Variants in JAKMIP1 observed in about 807,000 individuals in gnomAD.
The protein encoded by JAKMIP1 is janus kinase and microtubule interacting protein 1, also known as janus kinase and microtubule-interacting protein 1.
In JAKMIP1, 33 loss-of-function variants were observed where a neutral mutation model predicts 113.0. The ratio of observed to expected loss-of-function variants is 0.29; its 90% confidence interval spans 0.22 to 0.39. The LOEUF is 0.39. Ranked by LOEUF, JAKMIP1 falls within the 10% of genes least tolerant of loss-of-function variation. JAKMIP1 has a pLI of 1.00. For missense variants in JAKMIP1, 813 were observed against 1,080.5 expected (o/e 0.75, Z 3.47); for synonymous variants, 480 against 459.9 (o/e 1.04, Z -0.56).
At chr4:6,054,696 C>G (rs1716116908) in intron 12 of JAKMIP1, 1 of 455,958 alleles carries the variant, frequency 2.2e-6, no homozygotes, top group Non-Finnish European at 4.4e-6. Context: ...GCCTGCATCC[C>G]AGACCCAGCT....
Position 6,184,098 on chromosome 4 carries a change from C to G in JAKMIP1, c.-148+16155G>C, listed in dbSNP as rs1171551544. Among the ~76,000 whole-genome samples the G allele has an allele frequency of 1.3e-5, 2 of 152,194 alleles. No individual in the cohort carries two copies. Among genetic ancestry groups the G allele is most frequent in the African/African-American group, 4.8e-5 (2 of 41,442 alleles). On this transcript the variant is annotated intron_variant, in intron 1 of 20. Transcript: ENST00000409021. This position sits in a 1 kb window ranked among gnomAD's most constrained non-coding sequence, Gnocchi z 4.5. ...TAAGATAAATGTGAGAATAAACCAT[C>G]ACTTCTCTGTTTTGTATATTGGAGC...
At position 6,050,713 on chromosome 4, in the gene JAKMIP1, G is replaced by A; in HGVS notation, c.1807-34C>T. 6.7e-7 allele frequency: 1 copy of A among 1,490,826 alleles called. No homozygotes were observed. Among genetic ancestry groups the A allele is most frequent in the Non-Finnish European group, 9.2e-7 (1 of 1,092,066 alleles). The allele number at this position is 1,490,826 out of a possible 1,614,324, so 92.3% of individuals were successfully genotyped here. A position where few individuals can be genotyped will look rare whatever the true frequency, so the allele number is the denominator to read the frequency against. On this transcript the variant is annotated intron_variant, in intron 13 of 20. Coordinates refer to ENST00000409021, the MANE Select transcript of JAKMIP1 (RefSeq NM_001099433.2). The surrounding 1 kb of genome is among the most constrained non-coding windows in gnomAD (Gnocchi z 7.4). ...AAGATTCGGTTTAAAAACAGAATGT[G>A]ACCGGATTATTTACCACTTGCCATT...
chr4:6,127,059 G>A (rs573269828), intron 1 of JAKMIP1, among the ~76,000 whole-genome samples: 3 of 152,004 alleles, frequency 2.0e-5, no homozygotes, highest in Admixed American at 6.5e-5. Flanking sequence ...TACCACACCC[G>A]GCCGCACAGA....
At chr4:6,041,954 C>A (rs550771923) in intron 17 of JAKMIP1, among the ~76,000 whole-genome samples, 1 of 152,166 alleles carries the variant, frequency 6.6e-6, no homozygotes, top group Non-Finnish European at 1.5e-5. Context: ...AGCAGAGGCT[C>A]TGAAAATATG....
rs1374459910 is a variant in JAKMIP1, at chr4:6,140,586, A to G, written c.-147-27589T>C. ...GCTAGGTGACAGTGGTTCACAGCGTAAGGACCTCTGTCCCCACTGCTCCTG... is the reference window on the plus strand; with the variant it reads ...GCTAGGTGACAGTGGTTCACAGCGTGAGGACCTCTGTCCCCACTGCTCCTG... On this transcript the variant is annotated intron_variant, in intron 1 of 20. Transcript: ENST00000409021. The surrounding 1 kb of genome is among the most constrained non-coding windows in gnomAD (Gnocchi z 9.4). 6.6e-6 allele frequency among the ~76,000 whole-genome samples: 1 copy of G among 152,112 alleles called. No individual in the cohort carries two copies.
chr4:6,085,654 T>TCAG, intron 3 of JAKMIP1, 25 bp from the exon 4 acceptor site: 1 of 1,607,792 alleles, frequency 6.2e-7, no homozygotes, highest in Non-Finnish European at 8.5e-7. Flanking sequence ...GAATAAGCAG[T>TCAG]CAGCCCTAGG....
At chr4:6,127,794 G>A (rs2108928443) in intron 1 of JAKMIP1, among the ~76,000 whole-genome samples, 1 of 152,306 alleles carries the variant, frequency 6.6e-6, no homozygotes, top group Admixed American at 6.5e-5. Flanking sequence ...CTCACCCTTG[G>A]CAGCTCTCAC....
chr4:6,130,900 G>A (rs182798657), intron 1 of JAKMIP1, among the ~76,000 whole-genome samples: 7 of 151,592 alleles, frequency 4.6e-5, no homozygotes, highest in African/African-American at 1.5e-4. Context: ...ACAGTCAGGC[G>A]CGATGGTTCA....
intron 8 of JAKMIP1, among the ~76,000 whole-genome samples, chr4:6,068,128 A>T (rs1324259563): frequency 2.0e-5 from 3 of 152,214 alleles, no homozygotes; most frequent in Admixed American, 6.5e-5. Flanking sequence ...TACCAGTTAA[A>T]GACTCAACTC....
intron 16 of JAKMIP1, among the ~76,000 whole-genome samples, chr4:6,046,540 G>T (rs1385673771): frequency 1.3e-5 from 2 of 152,036 alleles, no homozygotes; most frequent in African/African-American, 2.4e-5. Context: ...ACAGCACCAG[G>T]CTGACCAGCT....
At chr4:6,063,782 G>A (rs1046127191) in intron 9 of JAKMIP1, among the ~76,000 whole-genome samples, 1 of 152,258 alleles carries the variant, frequency 6.6e-6, no homozygotes, top group African/African-American at 2.4e-5. Context: ...AATGCCACCA[G>A]GAGGGGACAA....
At chr4:6,152,700 G>T (rs2108986985) in intron 1 of JAKMIP1, among the ~76,000 whole-genome samples, 1 of 151,648 alleles carries the variant, frequency 6.6e-6, no homozygotes, top group Middle Eastern at 3.4e-3. Flanking sequence ...CCAGCACTTT[G>T]GGAGGCTGAG....
intron 18 of JAKMIP1, among the ~76,000 whole-genome samples, chr4:6,036,873 T>C (rs545224546): frequency 2.0e-5 from 3 of 152,152 alleles, no homozygotes; most frequent in Non-Finnish European, 4.4e-5. Context: ...AGAGAAACCA[T>C]GAGTTTCAAT....
chr4:6,079,580 G>T (rs1342515861), intron 7 of JAKMIP1, among the ~76,000 whole-genome samples: 1 of 152,200 alleles, frequency 6.6e-6, no homozygotes, highest in African/African-American at 2.4e-5. Flanking sequence ...GCTCCCTGCA[G>T]GTGTTCTCTG....
rs191871281 is a variant in JAKMIP1, at chr4:6,186,793, T to A, written c.-148+13460A>T. On this transcript the variant is annotated intron_variant, in intron 1 of 20. Transcript: ENST00000409021. The surrounding 1 kb of genome is among the most constrained non-coding windows in gnomAD (Gnocchi z 5.5). The stretch of plus-strand genomic sequence containing the variant: ...GTGTTGACATATTCAACTATTGTTG[T>A]TGAATTATCTATTTCTCCCTTCACT... 2.5e-3 allele frequency among the ~76,000 whole-genome samples: 381 copies of A among 152,302 alleles called. No individual in the cohort carries two copies. Among genetic ancestry groups the A allele is most frequent in the Non-Finnish European group, 4.6e-3 (310 of 68,030 alleles).
intron 18 of JAKMIP1, among the ~76,000 whole-genome samples, chr4:6,039,778 T>C (rs954923619): frequency 6.6e-6 from 1 of 152,206 alleles, no homozygotes; most frequent in African/African-American, 2.4e-5. Flanking sequence ...CCTTCATGTC[T>C]AAATCTCCTG....
At chr4:6,149,928 G>C (rs1032085689) in intron 1 of JAKMIP1, among the ~76,000 whole-genome samples, 1 of 152,064 alleles carries the variant, frequency 6.6e-6, no homozygotes, top group African/African-American at 2.4e-5. Context: ...CCTCCAGCTG[G>C]GCTTCTCCTC....
Position 6,049,006 on chromosome 4 carries a change from T to C in JAKMIP1, c.1963-84A>G, listed in dbSNP as rs937616824. The C allele has an allele frequency of 1.3e-5, 13 of 1,028,600 alleles. No individual in the cohort carries two copies. Among genetic ancestry groups the C allele is most frequent in the East Asian group, 1.2e-4 (5 of 42,078 alleles). 63.7% of individuals were successfully genotyped at this position (1,028,600 alleles called of 1,614,324 possible). On this transcript the variant is annotated intron_variant, in intron 15 of 20. Transcript: ENST00000409021. This position sits in a 1 kb window ranked among gnomAD's most constrained non-coding sequence, Gnocchi z 7.0. Reference sequence around the variant, plus strand: ...AGTCAGCACCAAGCAAGTTTTTTTTTTTCGTTGTTGTTGTTTGTTTTATTA... The same window carrying C: ...AGTCAGCACCAAGCAAGTTTTTTTTCTTCGTTGTTGTTGTTTGTTTTATTA...
In JAKMIP1 at chr4:6,042,251, G is replaced by C. The variant is rs757741899; in HGVS notation, c.2029-24C>G. 2 of 1,603,200 alleles carry C rather than the reference G, an allele frequency of 1.2e-6. No individual in the cohort carries two copies. Among genetic ancestry groups the C allele is most frequent in the South Asian group, 1.1e-5 (1 of 90,846 alleles). ...CACTAGAAAACAGCAGGGACAGGAC[G>C]GGTGCAGCAAAGTGAGAGTCAGAAC... On this transcript the variant is annotated intron_variant, in intron 16 of 20. Coordinates refer to ENST00000409021, the MANE Select transcript of JAKMIP1 (RefSeq NM_001099433.2). This position sits in a 1 kb window ranked among gnomAD's most constrained non-coding sequence, Gnocchi z 5.2.
Sources: allele counts gnomAD v4.1 joint callset (sites outside exome capture counted in the v4.1 genomes callset), GRCh38; gene constraint gnomAD v4.1.1; non-coding constraint Gnocchi (gnomAD v3.1); transcripts MANE v1.5; gene names NCBI Gene and HGNC (gene_info 2026-07-23, HGNC 2026-07-21).